CNBD1: variants seen among roughly 807,000 people sequenced by gnomAD.
CNBD1 encodes cyclic nucleotide-binding domain-containing protein 1.
CNBD1 carries 71 observed loss-of-function variants against 54.4 expected under a neutral mutation model. That is an observed-to-expected ratio of 1.30 (90% CI 1.08 to 1.59). The LOEUF (loss-of-function observed/expected upper bound fraction) is 1.59, where lower values mean the gene tolerates loss of function less well. Ranked by LOEUF, CNBD1 falls within the 40% of genes most tolerant of loss-of-function variation. The pLI is 0.00. For synonymous variants in CNBD1, 182 were observed against 170.7 expected, an observed-to-expected ratio of 1.07 and a Z score of -0.51; for missense variants, 659 against 518.0, an observed-to-expected ratio of 1.27 and a Z score of -2.64.
chr8:86,902,599 C>A (rs1034950372), intron 2 of CNBD1, among the ~76,000 whole-genome samples: 53 of 151,858 alleles, frequency 3.5e-4, no homozygotes, highest in African/African-American at 1.3e-3. Flanking sequence ...CTGTGTAAAC[C>A]TATATATTTT....
In CNBD1 at chr8:87,427,661, A is replaced by G. The variant is rs1450649503; in HGVS notation, c.214-885A>G. 3.3e-5 allele frequency among the ~76,000 whole-genome samples: 5 copies of G among 152,308 alleles called. No homozygotes were observed. In the South Asian group the frequency reaches 1.0e-3, roughly 32 times the overall value. ...TATATAAATAATTTAAAATGCTTTC[A>G]TCACAAGTAAAAAGTGAAGTAGTTA... is the stretch of plus-strand genomic sequence containing the variant. On this transcript the variant is annotated intron_variant, in intron 2 of 7. Transcript: ENST00000521593.
chr8:87,121,510 A>G (rs1268125819), intron 4 of CNBD1, among the ~76,000 whole-genome samples: 1 of 151,730 alleles, frequency 6.6e-6, no homozygotes, highest in Non-Finnish European at 1.5e-5. Context: ...CAAACCTATC[A>G]TTTTTTATGG....
chr8:86,871,130 A>G (rs1029976749), intron 1 of CNBD1, among the ~76,000 whole-genome samples: 4 of 152,218 alleles, frequency 2.6e-5, no homozygotes, highest in Non-Finnish European at 4.4e-5. Flanking sequence ...TTTAGAAATT[A>G]AGCTATGGGA....
intron 4 of CNBD1, among the ~76,000 whole-genome samples, chr8:87,039,215 T>C (rs1295375450): frequency 6.6e-6 from 1 of 152,222 alleles, no homozygotes; most frequent in Non-Finnish European, 1.5e-5. Flanking sequence ...CTATGTTTAA[T>C]TGGAGGTTGA....
At chr8:87,422,503 T>G (rs1384506538) in intron 2 of CNBD1, among the ~76,000 whole-genome samples, 1 of 151,824 alleles carries the variant, frequency 6.6e-6, no homozygotes, top group East Asian at 1.9e-4. Flanking sequence ...GCTAGCCAGT[T>G]TTCCCAGCAC....
chr8:86,965,857 C>A (rs898631511), intron 4 of CNBD1, among the ~76,000 whole-genome samples: 2 of 152,120 alleles, frequency 1.3e-5, no homozygotes, highest in Non-Finnish European at 2.9e-5. Flanking sequence ...ATCCGTGGAG[C>A]CTTCAGTTCT....
intron 4 of CNBD1, among the ~76,000 whole-genome samples, chr8:87,043,372 AATT>A (rs768718822): frequency 2.0e-5 from 3 of 152,210 alleles, no homozygotes; most frequent in Non-Finnish European, 4.4e-5. Context: ...GATTAATGAC[AATT>A]ATTCACAATA....
At chr8:87,249,395 C>T (rs1486302873) in intron 6 of CNBD1, among the ~76,000 whole-genome samples, 1 of 151,954 alleles carries the variant, frequency 6.6e-6, no homozygotes, top group Non-Finnish European at 1.5e-5. Context: ...CTTAACAGGC[C>T]ACAGAGCAGT....
intron 6 of CNBD1, among the ~76,000 whole-genome samples, chr8:87,277,100 A>T (rs758339558): frequency 1.3e-5 from 2 of 151,490 alleles, no homozygotes; most frequent in Non-Finnish European, 2.9e-5. Context: ...ATATTCATAT[A>T]TGTATATGTA....
chr8:87,087,094 A>T (rs566541373), intron 4 of CNBD1, among the ~76,000 whole-genome samples: 1 of 149,512 alleles, frequency 6.7e-6, no homozygotes, highest in Non-Finnish European at 1.5e-5. Flanking sequence ...AAATTACAGG[A>T]CTCTTTCCTG....
intron 4 of CNBD1, among the ~76,000 whole-genome samples, chr8:87,148,593 G>A (rs896998208): frequency 4.6e-5 from 7 of 152,210 alleles, no homozygotes; most frequent in South Asian, 2.1e-4. Context: ...ATAGACTAAC[G>A]TGCTGTGATG....
At chr8:87,008,035 A>T (rs927313297) in intron 4 of CNBD1, among the ~76,000 whole-genome samples, 4 of 152,212 alleles carry the variant, frequency 2.6e-5, no homozygotes, top group African/African-American at 4.8e-5. Context: ...TACGGATTTT[A>T]AAATTACTCT....
chr8:87,058,246 T>C (rs557380523), intron 4 of CNBD1, among the ~76,000 whole-genome samples: 3 of 152,232 alleles, frequency 2.0e-5, no homozygotes, highest in Non-Finnish European at 4.4e-5. Flanking sequence ...GCTCCACCCC[T>C]GTTGCTTTGC....
intron 6 of CNBD1, among the ~76,000 whole-genome samples, chr8:87,251,292 A>G (rs1351969491): frequency 6.6e-6 from 1 of 152,116 alleles, no homozygotes; most frequent in Non-Finnish European, 1.5e-5. Flanking sequence ...TCTTTCTTAG[A>G]AATTGGATTG....
chr8:87,203,456 T>C (rs773139584), intron 4 of CNBD1, among the ~76,000 whole-genome samples: 6 of 152,188 alleles, frequency 3.9e-5, no homozygotes, highest in Non-Finnish European at 8.8e-5. Flanking sequence ...ACTTTATCTC[T>C]GTGTCAGTTC....
At chr8:87,156,580 T>C (rs1395396685) in intron 4 of CNBD1, among the ~76,000 whole-genome samples, 1 of 152,032 alleles carries the variant, frequency 6.6e-6, no homozygotes, top group Non-Finnish European at 1.5e-5. Flanking sequence ...TAAAATACAC[T>C]TGTATTCAGT....
chr8:87,157,326 A>T (rs1157857848), intron 4 of CNBD1, among the ~76,000 whole-genome samples: 1 of 152,204 alleles, frequency 6.6e-6, no homozygotes, highest in African/African-American at 2.4e-5. Context: ...TTGTAACAAT[A>T]AATATGGAGC....
intron 4 of CNBD1, among the ~76,000 whole-genome samples, chr8:87,117,168 G>T (rs1294605372): frequency 6.6e-6 from 1 of 152,222 alleles, no homozygotes; most frequent in African/African-American, 2.4e-5. Flanking sequence ...GGAGGCCAAG[G>T]CGGGTGGATC....
Position 87,382,791 on chromosome 8 carries a change from C to T in CNBD1, c.*164C>T, listed in dbSNP as rs1030919602. The T allele has an allele frequency of 6.6e-6, 3 of 455,362 alleles. No homozygotes were observed. The highest frequency in any genetic ancestry group is 3.2e-5 in the East Asian group (1 of 31,338). 28.2% of individuals were successfully genotyped at this position (455,362 alleles called of 1,614,324 possible). On this transcript the variant is annotated 3_prime_UTR_variant, in exon 11 of 11. Coordinates refer to ENST00000518476, the MANE Select transcript of CNBD1 (RefSeq NM_173538.3). The stretch of plus-strand genomic sequence containing the variant: ...TCCCACTTTCGAATTGCCTTTCAAA[C>T]ACAGTTTTTATTAGCAGTCTTTCTT...
Sources: allele counts gnomAD v4.1 joint callset (sites outside exome capture counted in the v4.1 genomes callset), GRCh38; gene constraint gnomAD v4.1.1; transcripts MANE v1.5; gene names NCBI Gene and HGNC (gene_info 2026-07-23, HGNC 2026-07-21).